The following MOCS1 variants were observed in gnomAD, a reference collection of about 807,000 sequenced individuals.
MOCS1 encodes the protein molybdenum cofactor synthesis 1, also known as molybdenum cofactor biosynthesis protein 1.
A neutral mutation model predicts 57.6 loss-of-function variants in MOCS1; 39 were observed. The ratio of observed to expected loss-of-function variants is 0.68; its 90% CI spans 0.52 to 0.88. The LOEUF (loss-of-function observed/expected upper bound fraction) is 0.88. MOCS1 is among the 40% of genes least tolerant of loss of function. MOCS1 has a pLI of 0.00. For synonymous variants in MOCS1, 334 were observed against 335.7 expected (o/e 1.00, Z 0.05); for missense variants, 795 against 831.1 (o/e 0.96, Z 0.53).
Position 39,927,196 on chromosome 6 carries a change from G to C in MOCS1, c.250+133C>G, listed in dbSNP as rs1448216926. On this transcript the variant is annotated intron_variant, in intron 2 of 10. Coordinates refer to ENST00000340692, the MANE Select transcript of MOCS1 (RefSeq NM_001358530.2). ...CCCTGAAGCCCACCTGGCCTGGTAAGCAAGGGGTAGCAGGTGAAGAAGTTA... is the reference window on the plus strand; with the variant it reads ...CCCTGAAGCCCACCTGGCCTGGTAACCAAGGGGTAGCAGGTGAAGAAGTTA... The C allele has an allele frequency of 5.1e-6, 6 of 1,172,450 alleles. No homozygotes were observed. In the East Asian group the frequency reaches 1.5e-4, roughly 29 times the overall value. The allele number at this position is 1,172,450 out of a possible 1,614,324, so 72.6% of individuals were successfully genotyped here. A position where few individuals can be genotyped will look rare whatever the true frequency, so the allele number is the denominator to read the frequency against.
At position 39,912,981 on chromosome 6, in the gene MOCS1, T is replaced by C; in HGVS notation, c.781A>G (p.Met261Val). 6.2e-7 allele frequency: 1 copy of C among 1,614,144 alleles called. No individual in the cohort carries two copies. The highest frequency in any genetic ancestry group is 8.5e-7 in the Non-Finnish European group (1 of 1,180,022). ...TCTAGCATCTCCTTATAGCTGACCA[T>C]CTTCTTGAAGTTCCACTTGTTGCCT... is the stretch of plus-strand genomic sequence containing the variant. ...FDGNKWNFKK[M>V]VSYKEMLDTV... The change falls in exon 7 of 11, where the codon ATG (methionine) becomes GTG (valine). Residue 261 changes from methionine (M) to valine (V), a missense_variant. Met to Val is a conservative substitution (Grantham distance 21). This residue lies in a region of MOCS1 where 416 missense variants were observed against 392.4 expected (regional missense o/e 1.06). Coordinates refer to ENST00000340692, the MANE Select transcript of MOCS1 (RefSeq NM_001358530.2).
chr6:39,910,621 G>T (rs1767264381), intron 8 of MOCS1, among the ~76,000 whole-genome samples: 1 of 152,170 alleles, frequency 6.6e-6, no homozygotes, highest in Admixed American at 6.5e-5. Flanking sequence ...TCTGCACAAG[G>T]CACTGTGGCC....
At chr6:39,919,356 C>T (rs1651772817) in intron 3 of MOCS1, among the ~76,000 whole-genome samples, 1 of 152,056 alleles carries the variant, frequency 6.6e-6, no homozygotes, top group Non-Finnish European at 1.5e-5. Context: ...GTGGTGGTGG[C>T]ATATGCCTGT....
chr6:39,914,465 T>C (rs2149405457), intron 4 of MOCS1, among the ~76,000 whole-genome samples: 2 of 152,338 alleles, frequency 1.3e-5, no homozygotes, highest in African/African-American at 4.8e-5. Context: ...TACGCACAGG[T>C]GCTGTTCCAG....
Position 39,905,041 on chromosome 6 carries a change from T to TATCA in MOCS1, c.*1312_*1315dup, listed in dbSNP as rs1253371212. On this transcript the variant is annotated 3_prime_UTR_variant, in exon 11 of 11. Transcript: ENST00000340692. ...AAATTATTCAACATGGGAGTATTTA[T>TATCA]ATCACAAATTGTCTTTTCCAGAGAG... 5 of 454,030 alleles carry TATCA rather than the reference T, an allele frequency of 1.1e-5. No individual in the cohort carries two copies. The highest frequency in any genetic ancestry group is 2.2e-5 in the Non-Finnish European group (5 of 226,810). The allele number at this position is 454,030 out of a possible 1,614,324, so 28.1% of individuals were successfully genotyped here.
chr6:39,925,652 G>T (rs1323131444), intron 3 of MOCS1, 26 bp downstream of exon 3: 8 of 1,612,714 alleles, frequency 5.0e-6, no homozygotes, highest in Non-Finnish European at 6.8e-6. Context: ...GCTGGGAGAA[G>T]TGGCGATGAC....
chr6:39,923,675 CTTG>C (rs1178477154), intron 3 of MOCS1, among the ~76,000 whole-genome samples: 1 of 152,256 alleles, frequency 6.6e-6, no homozygotes, highest in Admixed American at 6.5e-5. Flanking sequence ...ATGGGGTCAG[CTTG>C]CCTGGGCCAG....
intron 10 of MOCS1, among the ~76,000 whole-genome samples, chr6:39,908,474 C>T (rs1168921548): frequency 6.6e-6 from 1 of 152,196 alleles, no homozygotes; most frequent in Non-Finnish European, 1.5e-5. Flanking sequence ...AAGCATCCTA[C>T]ACACACGATG....
At chr6:39,923,028 C>T (rs1053193174) in intron 3 of MOCS1, among the ~76,000 whole-genome samples, 1 of 152,198 alleles carries the variant, frequency 6.6e-6, no homozygotes, top group Non-Finnish European at 1.5e-5. Flanking sequence ...TGTCAGAGTG[C>T]TCACAGGCAC....
At chr6:39,917,349 A>G (rs976748819) in intron 3 of MOCS1, among the ~76,000 whole-genome samples, 31 of 152,190 alleles carry the variant, frequency 2.0e-4, no homozygotes, top group African/African-American at 6.5e-4. Flanking sequence ...TGAGAACAGC[A>G]TGAGGGTAAC....
rs1767382592 is a variant in MOCS1 at position 39,912,322 on chromosome 6, G to A, written c.923C>T (p.Ser308Phe). The change falls in exon 8 of 11, where the codon TCT (serine) becomes TTT (phenylalanine). Residue 308 changes from serine to phenylalanine, a missense_variant. This residue lies in a region of MOCS1 where 374 missense variants were observed against 422.6 expected (regional missense o/e 0.89). Coordinates refer to ENST00000340692, the MANE Select transcript of MOCS1 (RefSeq NM_001358530.2). ...GTTGCAGGTCCCACAGAAATGCTCA[G>A]ACATGGATGTGATGAAGCTGATCTG... ...QGQISFITSM[S>F]EHFCGTCNRL... The A allele has an allele frequency of 2.5e-6, 4 of 1,614,088 alleles. No individual in the cohort carries two copies. The highest frequency in any genetic ancestry group is 3.4e-6 in the Non-Finnish European group (4 of 1,180,028).
At position 39,927,380 on chromosome 6, in the gene MOCS1, G is replaced by A. The variant is rs754441164; in HGVS notation, c.199C>T (p.Arg67Trp). 1.1e-5 allele frequency: 17 copies of A among 1,612,582 alleles called. No individual in the cohort carries two copies. In the Admixed American group the frequency reaches 1.5e-4, roughly 14 times the overall value. Reference sequence around the variant, plus strand: ...GAGATCCGCAGGTAGCTGTGCTGCCGGCCGAAGCTGTCTGTGAGGAAGGCG... The same window carrying A: ...GAGATCCGCAGGTAGCTGTGCTGCCAGCCGAAGCTGTCTGTGAGGAAGGCG... ...FSAFLTDSFG[R>W]QHSYLRISLT... Residue 67 changes from arginine (R) to tryptophan (W), a missense_variant, in exon 2 of 11, where the codon CGG becomes TGG. By Grantham distance (101) the Arg-to-Trp change is moderately radical (BLOSUM62 -3). This residue lies in a region of MOCS1 where 416 missense variants were observed against 392.4 expected (regional missense o/e 1.06). Transcript: ENST00000340692.
In MOCS1 at chr6:39,904,270, A is replaced by G. The variant is rs1439735748; in HGVS notation, c.*2087T>C. On this transcript the variant is annotated 3_prime_UTR_variant, in exon 11 of 11. Transcript: ENST00000340692. ...GAGCTCAGCCTTCTCACTCTAAAAG[A>G]AAGATATTTTTCTATTTATTTTCTA... The G allele has an allele frequency of 4.4e-6, 2 of 456,648 alleles. No individual in the cohort carries two copies. The highest frequency in any genetic ancestry group is 2.0e-5 in the African/African-American group (1 of 50,096). 28.3% of individuals were successfully genotyped at this position (456,648 alleles called of 1,614,324 possible). A position where few individuals can be genotyped will look rare whatever the true frequency, so the allele number is the denominator to read the frequency against.
In MOCS1 at chr6:39,910,162, A is replaced by T. The variant is rs369072462; in HGVS notation, c.982-207T>A. ...AGCAAGAGGCAAAATTCGACTTCCC[A>T]ATACCTATATGTGAGTTACAGTCAT... On this transcript the variant is annotated intron_variant, in intron 8 of 10. Coordinates refer to ENST00000340692, the MANE Select transcript of MOCS1 (RefSeq NM_001358530.2). 3.3e-4 allele frequency among the ~76,000 whole-genome samples: 50 copies of T among 152,208 alleles called. 3 individuals carry two copies. The highest frequency in any genetic ancestry group is 1.8e-3 in the Admixed American group (27 of 15,284).
rs543804008 is a variant in MOCS1 at position 39,905,595 on chromosome 6, C to CTGA, written c.*759_*761dup. The CTGA allele has an allele frequency of 9.1e-4, 427 of 471,152 alleles. 8 individuals are homozygous for CTGA. Among genetic ancestry groups the CTGA allele is most frequent in the South Asian group, 6.3e-3 (410 of 64,570 alleles). 29.2% of individuals were successfully genotyped at this position (471,152 alleles called of 1,614,324 possible). A position where few individuals can be genotyped will look rare whatever the true frequency, so the allele number is the denominator to read the frequency against. ...CAATCTATCATCAACTTTTCTTTCC[C>CTGA]TGATATGCTCCAGAATAAAGAGGGG... is the stretch of plus-strand genomic sequence containing the variant. On this transcript the variant is annotated 3_prime_UTR_variant, in exon 11 of 11. Coordinates refer to ENST00000340692, the MANE Select transcript of MOCS1 (RefSeq NM_001358530.2).
chr6:39,915,643 G>A (rs1185157028), intron 4 of MOCS1, among the ~76,000 whole-genome samples: 1 of 152,066 alleles, frequency 6.6e-6, no homozygotes. Context: ...AACCATGGGG[G>A]CCTGCTGGGG....
At position 39,912,368 on chromosome 6, in the gene MOCS1, T is replaced by C. The variant is rs1322606523; in HGVS notation, c.877A>G (p.Lys293Glu). The change falls in exon 8 of 11, where the codon AAA becomes GAA. Residue 293 changes from lysine (K) to glutamate (E), a missense_variant. Around this residue, in one of 3 missense-constraint regions of MOCS1, gnomAD observed 416 missense variants for 392.4 expected, o/e 1.06. Transcript: ENST00000340692. ...EEESSTAKAF[K>E]IPGFQGQISF... ...ATCTGGCCTTGGAAGCCAGGGATTT[T>C]AAAGGCCTGGGCAGGGGAGAGTGGG... The C allele has an allele frequency of 1.9e-6, 3 of 1,612,952 alleles. No individual in the cohort carries two copies. The highest frequency in any genetic ancestry group is 2.5e-6 in the Non-Finnish European group (3 of 1,179,088).
Position 39,904,807 on chromosome 6 carries a change from C to T in MOCS1, c.*1550G>A, listed in dbSNP as rs957515085. The T allele has an allele frequency of 4.4e-6, 2 of 454,058 alleles. No homozygotes were observed. The highest frequency in any genetic ancestry group is 1.6e-5 in the South Asian group (1 of 64,446). The allele number at this position is 454,058 out of a possible 1,614,324, so 28.1% of individuals were successfully genotyped here. On this transcript the variant is annotated 3_prime_UTR_variant, in exon 11 of 11. Coordinates refer to ENST00000340692, the MANE Select transcript of MOCS1 (RefSeq NM_001358530.2). ...AATCTACAGTGTCCTTTTTCACTTG[C>T]ACCTTTTTTATAAGAATATATTGTA... is the stretch of plus-strand genomic sequence containing the variant.
chr6:39,934,435 G>T lies in MOCS1; in HGVS notation c.-18C>A, dbSNP rs756751573. 1.3e-6 allele frequency: 2 copies of T among 1,561,592 alleles called. No individual in the cohort carries two copies. The highest frequency in any genetic ancestry group is 2.3e-5 in the South Asian group (2 of 86,032). ...GCCGCCATGAAGCCTGATACGAGCG[G>T]AACCGCAGCCCGCTTCGGGAGCACA... On this transcript the variant is annotated 5_prime_UTR_variant, in exon 1 of 11. Coordinates refer to ENST00000340692, the MANE Select transcript of MOCS1 (RefSeq NM_001358530.2).
Sources: allele counts gnomAD v4.1 joint callset (sites outside exome capture counted in the v4.1 genomes callset), GRCh38; gene constraint gnomAD v4.1.1; regional missense constraint gnomAD v4.1.1; transcripts MANE v1.5; gene names NCBI Gene and HGNC (gene_info 2026-07-23, HGNC 2026-07-21).